DNAH5: variants seen among roughly 807,000 people sequenced by gnomAD.
The protein encoded by DNAH5 is dynein axonemal heavy chain 5, also known as axonemal beta dynein heavy chain 5.
In DNAH5, 372 loss-of-function variants were observed where a neutral mutation model predicts 518.2. That is an observed-to-expected ratio of 0.72 (90% CI 0.66 to 0.78). DNAH5 has a LOEUF of 0.78. DNAH5 is among the 30% of genes least tolerant of loss of function. DNAH5 has a pLI of 0.00. For synonymous variants in DNAH5, 2,039 were observed against 2,025.9 expected, an observed-to-expected ratio of 1.01 and a Z score of -0.17; for missense variants, 5,523 against 5,687.0, an observed-to-expected ratio of 0.97 and a Z score of 0.93.
chr5:13,797,394 G>T (rs1323373068), intron 47 of DNAH5, among the ~76,000 whole-genome samples: 2 of 152,088 alleles, frequency 1.3e-5, no homozygotes, highest in Non-Finnish European at 2.9e-5. Flanking sequence ...GTGGGCAAAG[G>T]ATATGGATAG....
At chr5:13,756,849 C>T (rs544987340) in intron 61 of DNAH5, among the ~76,000 whole-genome samples, 1 of 152,280 alleles carries the variant, frequency 6.6e-6, no homozygotes, top group East Asian at 1.9e-4. Context: ...GATCCTCTCC[C>T]TCTTCCCATC....
rs6554813 is a variant in DNAH5 at position 13,762,930 on chromosome 5, G to A, written c.10102-29C>T. Reference sequence around the variant, plus strand: ...TGGAAGAAAAGAGTAAAATAAAGTCGAAACACTTCTTTCCATAAAGTCATA... The same window carrying A: ...TGGAAGAAAAGAGTAAAATAAAGTCAAAACACTTCTTTCCATAAAGTCATA... On this transcript the variant is annotated intron_variant, in intron 59 of 78. Transcript: ENST00000265104. 0.28 allele frequency: 447,262 copies of A among 1,587,034 alleles called. 66,638 individuals are homozygous for A. Among genetic ancestry groups the A allele is most frequent in the South Asian group, 0.43 (39,055 of 90,460 alleles).
intron 1 of DNAH5, among the ~76,000 whole-genome samples, chr5:13,950,644 A>G (rs1246302786): frequency 6.6e-6 from 1 of 152,194 alleles, no homozygotes; most frequent in Admixed American, 6.5e-5. Flanking sequence ...CACAAAGCTC[A>G]TGGGTTGTGA....
intron 12 of DNAH5, among the ~76,000 whole-genome samples, chr5:13,907,346 G>A (rs976082043): frequency 2.6e-5 from 4 of 152,126 alleles, no homozygotes; most frequent in Admixed American, 6.5e-5. Flanking sequence ...CAGGAGAATC[G>A]CTTGAACCCG....
chr5:13,722,051 A>C (rs1277604385), intron 70 of DNAH5, among the ~76,000 whole-genome samples: 1 of 152,168 alleles, frequency 6.6e-6, no homozygotes, highest in Non-Finnish European at 1.5e-5. Context: ...GGTAAAACCC[A>C]AGTTTCTCTC....
chr5:13,775,197 A>C (rs1176816851), intron 55 of DNAH5, among the ~76,000 whole-genome samples: 1 of 140,426 alleles, frequency 7.1e-6, no homozygotes, highest in African/African-American at 2.7e-5. Flanking sequence ...TTTAAATTTT[A>C]AATCACTGGC....
In DNAH5 at chr5:13,753,180, T is replaced by A; in HGVS notation, c.10872+53A>T. ...TTCTTTACTCTTGGATTTTTGTTTA[T>A]CTGAGGCAATAAAACTTAACCGGTA... On this transcript the variant is annotated intron_variant, in intron 63 of 78. Transcript: ENST00000265104. The A allele has an allele frequency of 2.2e-6, 3 of 1,384,654 alleles. No homozygotes were observed. In the Admixed American group the frequency reaches 5.1e-5, roughly 23 times the overall value. 85.8% of individuals were successfully genotyped at this position (1,384,654 alleles called of 1,614,324 possible).
intron 1 of DNAH5, among the ~76,000 whole-genome samples, chr5:13,980,429 T>G (rs1397313979): frequency 6.6e-6 from 1 of 152,086 alleles, no homozygotes; most frequent in Non-Finnish European, 1.5e-5. Flanking sequence ...GAACTCAGCA[T>G]CTCCCACATC....
Position 13,761,322 on chromosome 5 carries a change from A to G in DNAH5, c.10281+1400T>C, listed in dbSNP as rs560214815. Reference sequence around the variant, plus strand: ...TTTAAGACACTATGTGGCCGGGCACAGTGGCTCACGCCTGTAATCACAGCA... The same window carrying G: ...TTTAAGACACTATGTGGCCGGGCACGGTGGCTCACGCCTGTAATCACAGCA... On this transcript the variant is annotated intron_variant, in intron 60 of 78. Transcript: ENST00000265104. Among the ~76,000 whole-genome samples the G allele has an allele frequency of 2.0e-5, 3 of 152,306 alleles. No individual in the cohort carries two copies. The East Asian group carries it at 5.8e-4, about 29-fold the overall frequency.
At chr5:13,814,955 T>G in intron 42 of DNAH5, 109 bp from the exon 43 acceptor site, 1 of 1,077,688 alleles carries the variant, frequency 9.3e-7, no homozygotes, top group South Asian at 1.5e-5. Context: ...TAATTTTCAT[T>G]AATTTTTAAA....
intron 9 of DNAH5, among the ~76,000 whole-genome samples, chr5:13,915,538 G>A (rs1776554695): frequency 6.6e-6 from 1 of 152,044 alleles, no homozygotes; most frequent in Non-Finnish European, 1.5e-5. Flanking sequence ...GTATAAGGAA[G>A]TTGGGAGGGA....
intron 55 of DNAH5, among the ~76,000 whole-genome samples, chr5:13,775,607 C>A (rs1412537111): frequency 6.6e-6 from 1 of 152,054 alleles, no homozygotes; most frequent in East Asian, 1.9e-4. Context: ...CTATGGCAAC[C>A]CTCAACTTCA....
intron 47 of DNAH5, among the ~76,000 whole-genome samples, chr5:13,805,660 G>T (rs6869350): frequency 0.2 from 29,854 of 152,074 alleles, 3,008 homozygotes; most frequent in African/African-American, 0.24. Context: ...CTGAGGACAG[G>T]GAAGGTTTGC....
chr5:13,953,370 T>C (rs1780558202), intron 1 of DNAH5, among the ~76,000 whole-genome samples: 1 of 152,228 alleles, frequency 6.6e-6, no homozygotes, highest in African/African-American at 2.4e-5. Context: ...GTCAGCTTCC[T>C]GATTTTCCAT....
chr5:13,914,394 T>C lies in DNAH5; in HGVS notation c.1320+126A>G, dbSNP rs556767718. 114 of 1,195,956 alleles carry C rather than the reference T, an allele frequency of 9.5e-5. 2 individuals are homozygous for C. In the African/African-American group the frequency reaches 1.4e-3, roughly 15 times the overall value. The allele number at this position is 1,195,956 out of a possible 1,614,324, so 74.1% of individuals were successfully genotyped here. A position where few individuals can be genotyped will look rare whatever the true frequency, so the allele number is the denominator to read the frequency against. On this transcript the variant is annotated intron_variant, in intron 10 of 78. Transcript: ENST00000265104. ...GAAGGTATATTAACATTCCATTTTC[T>C]TCATAGTTAAGAATCACTGTTCTTT... is the stretch of plus-strand genomic sequence containing the variant.
At chr5:13,919,511 G>T in intron 6 of DNAH5, 159 bp from the exon 7 acceptor site, 1 of 778,236 alleles carries the variant, frequency 1.3e-6, no homozygotes. Flanking sequence ...CACTTAGCAT[G>T]CATCCATTTT....
chr5:13,977,796 G>C (rs983185160), intron 1 of DNAH5, among the ~76,000 whole-genome samples: 26 of 152,176 alleles, frequency 1.7e-4, no homozygotes, highest in African/African-American at 4.6e-4. Flanking sequence ...AGTCCTTGGT[G>C]GGGGCTGGGA....
chr5:13,919,273 C>T lies in DNAH5; in HGVS notation c.878G>A (p.Arg293Lys). 2.5e-6 allele frequency: 4 copies of T among 1,614,114 alleles called. No homozygotes were observed. Among genetic ancestry groups the T allele is most frequent in the Non-Finnish European group, 3.4e-6 (4 of 1,179,990 alleles). ...CAAAAGGTAGTTAAACTTGGAGAGTCTTTTTTTCCAGTGCTCCAGCTCCGC... is the reference window on the plus strand; with the variant it reads ...CAAAAGGTAGTTAAACTTGGAGAGTTTTTTTTTCCAGTGCTCCAGCTCCGC... Reference protein sequence around the residue: ...PRAELEHWKKRLSKFNYLLEQ... With the variant: ...PRAELEHWKKKLSKFNYLLEQ... Residue 293 changes from arginine to lysine, a missense_variant, in exon 7 of 79, where the codon AGA becomes AAA. This residue lies in a region of DNAH5 where 5,121 missense variants were observed against 5,223.3 expected (regional missense o/e 0.98). Transcript: ENST00000265104.
chr5:13,827,920 A>G (rs1252145181), intron 38 of DNAH5, among the ~76,000 whole-genome samples: 1 of 152,150 alleles, frequency 6.6e-6, no homozygotes, highest in African/African-American at 2.4e-5. Flanking sequence ...CCACCATGTG[A>G]AAAGGACGTG....
Sources: allele counts gnomAD v4.1 joint callset (sites outside exome capture counted in the v4.1 genomes callset), GRCh38; gene constraint gnomAD v4.1.1; regional missense constraint gnomAD v4.1.1; transcripts MANE v1.5; gene names NCBI Gene and HGNC (gene_info 2026-07-23, HGNC 2026-07-21).